TJP2: variants seen among roughly 807,000 people sequenced by gnomAD.
TJP2 encodes Friedreich ataxia region gene X104 (tight junction protein ZO-2).
Under a neutral mutation model 133.1 loss-of-function variants are expected in TJP2, and 91 were observed. The observed-to-expected ratio is 0.68, with a 90% CI of 0.58 to 0.81. The LOEUF is 0.81. Among genes scored for constraint, TJP2 ranks in the 40% least tolerant of loss-of-function variants. The pLI, the probability that TJP2 is intolerant of heterozygous loss-of-function variation, is 0.00. For synonymous variants in TJP2, 592 were observed against 583.4 expected, an observed-to-expected ratio of 1.01 and a Z score of -0.21; for missense variants, 1,541 against 1,565.6, an observed-to-expected ratio of 0.98 and a Z score of 0.26.
At chr9:69,200,664 G>A (rs775452910) in intron 1 of TJP2, among the ~76,000 whole-genome samples, 2 of 152,216 alleles carry the variant, frequency 1.3e-5, no homozygotes, top group Non-Finnish European at 2.9e-5. Context: ...AAAGTGCTGG[G>A]ATTATAGGCT....
intron 2 of TJP2, among the ~76,000 whole-genome samples, chr9:69,157,500 C>T (rs576649849): frequency 3.7e-4 from 56 of 150,556 alleles, no homozygotes; most frequent in African/African-American, 1.3e-3. Context: ...GAGTCTCACT[C>T]TGTCGCCCAG....
chr9:69,218,276 A>G lies in TJP2; in HGVS notation c.259A>G (p.Met87Val). The G allele has an allele frequency of 1.2e-6, 2 of 1,614,138 alleles. No homozygotes were observed. The highest frequency in any genetic ancestry group is 2.2e-5 in the South Asian group (2 of 91,080). Residue 87 changes from methionine (M) to valine (V), a missense_variant, in exon 4 of 23, where the codon ATG (methionine) becomes GTG (valine). Met to Val is a conservative substitution (Grantham distance 21, BLOSUM62 1). Transcript: ENST00000377245. ...GLLQENDRVV[M>V]VNGTPMEDVL... ...TTACAGAGAAAATGACAGAGTGGTCATGGTCAATGGCACCCCCATGGAGGA... is the reference window on the plus strand; with the variant it reads ...TTACAGAGAAAATGACAGAGTGGTCGTGGTCAATGGCACCCCCATGGAGGA...
chr9:69,192,362 G>T (rs976949085), intron 1 of TJP2, among the ~76,000 whole-genome samples: 4 of 152,116 alleles, frequency 2.6e-5, no homozygotes, highest in African/African-American at 9.7e-5. Flanking sequence ...GTTATTCACT[G>T]GATGCTTAGA....
exon 1 of TJP2, chr9:69,121,490 G>T (rs1028065776): frequency 6.8e-5 from 24 of 354,484 alleles, no homozygotes; most frequent in Admixed American, 1.3e-4. Flanking sequence ...ACAGGAAATA[G>T]CCCGAATCAC....
At chr9:69,220,628 A>G (rs1828747411) in intron 4 of TJP2, among the ~76,000 whole-genome samples, 1 of 152,206 alleles carries the variant, frequency 6.6e-6, no homozygotes, top group Non-Finnish European at 1.5e-5. Flanking sequence ...AGACTTTTCA[A>G]ACTTGAGTAG....
Position 69,195,150 on chromosome 9 carries a change from T to C in TJP2, c.61-17398T>C, listed in dbSNP as rs73450823. On this transcript the variant is annotated intron_variant, in intron 1 of 22. Transcript: ENST00000377245. ...GCCTTTTTGACAAAGCCGTTTATGA[T>C]TATCTTTATCTTGGTGCCTATTATG... 7.1e-3 allele frequency among the ~76,000 whole-genome samples: 1,077 copies of C among 152,316 alleles called. 21 individuals carry two copies. The highest frequency in any genetic ancestry group is 0.025 in the African/African-American group (1,026 of 41,562).
At chr9:69,252,686 C>T (rs1213738836) in intron 21 of TJP2, 129 bp from the exon 22 acceptor site, 7 of 884,726 alleles carry the variant, frequency 7.9e-6, no homozygotes, top group Non-Finnish European at 1.3e-5. Context: ...TCTGTGTTTC[C>T]TCTTCTTGAA....
chr9:69,168,695 T>G (rs1399672557), intron 2 of TJP2, among the ~76,000 whole-genome samples: 4 of 151,328 alleles, frequency 2.6e-5, no homozygotes, highest in Non-Finnish European at 5.9e-5. Context: ...CTCAGGAGGC[T>G]GAGGCAGGAG....
chr9:69,248,767 T>G, intron 19 of TJP2: 1 of 994,912 alleles, frequency 1.0e-6, no homozygotes, highest in Non-Finnish European at 1.2e-6. Flanking sequence ...TTAGATAGCT[T>G]ATGGGATCCT....
intron 17 of TJP2, 46 bp downstream of exon 17, chr9:69,240,193 A>G (rs1399104370): frequency 5.3e-6 from 8 of 1,517,352 alleles, no homozygotes; most frequent in Non-Finnish European, 7.2e-6. Context: ...AATGAGAAAT[A>G]AAGAATTGAA....
At chr9:69,154,283 GC>G (rs1564385324) in intron 2 of TJP2, among the ~76,000 whole-genome samples, 2 of 152,184 alleles carry the variant, frequency 1.3e-5, no homozygotes, top group Non-Finnish European at 2.9e-5. Flanking sequence ...ATTTGCAAGT[GC>G]CGCTCAAGTT....
At chr9:69,201,067 T>C (rs1402787715) in intron 1 of TJP2, among the ~76,000 whole-genome samples, 1 of 152,200 alleles carries the variant, frequency 6.6e-6, no homozygotes, top group Non-Finnish European at 1.5e-5. Context: ...GTACTTGCAC[T>C]GAATTGTAAT....
chr9:69,198,141 C>CTTTTTTTT (rs5898062), intron 1 of TJP2, among the ~76,000 whole-genome samples: 3 of 96,352 alleles, frequency 3.1e-5, no homozygotes, highest in Non-Finnish European at 4.2e-5. Context: ...TTTCCCAATT[C>CTTTTTTTT]TTTTTTTTTT....
At chr9:69,218,448 C>T in intron 4 of TJP2, 89 bp downstream of exon 4, 2 of 945,102 alleles carry the variant, frequency 2.1e-6, no homozygotes, top group South Asian at 1.4e-5. Context: ...AAGCATTTGA[C>T]AGAATTACAT....
In TJP2 at chr9:69,124,386, T is replaced by TA. The variant is rs1160112091; in HGVS notation, c.-131+2661_-131+2662insA. The stretch of plus-strand genomic sequence containing the variant: ...GGCTAGTTTAAATTATTATTATTAT[T>TA]TTTTTCTGTAGATTGGGTTCTTGCT... On this transcript the variant is annotated intron_variant, in intron 1 of 5. Coordinates refer to the TJP2 transcript ENST00000423935. 2.6e-5 allele frequency among the ~76,000 whole-genome samples: 2 copies of TA among 76,594 alleles called. 1 individual carries two copies. The highest frequency in any genetic ancestry group is 8.0e-5 in the African/African-American group (2 of 25,156). The allele number at this position is 76,594 out of a possible 152,430, so 50.2% of individuals were successfully genotyped here. A position where few individuals can be genotyped will look rare whatever the true frequency, so the allele number is the denominator to read the frequency against.
chr9:69,158,989 C>A (rs376497725), intron 2 of TJP2, among the ~76,000 whole-genome samples: 1 of 151,822 alleles, frequency 6.6e-6, no homozygotes, highest in Non-Finnish European at 1.5e-5. Context: ...ACCGCCCCCC[C>A]CCCATCAAAA....
At chr9:69,147,425 C>T (rs1402602943) in intron 1 of TJP2, among the ~76,000 whole-genome samples, 1 of 152,222 alleles carries the variant, frequency 6.6e-6, no homozygotes, top group African/African-American at 2.4e-5. Flanking sequence ...AGATGCAAGC[C>T]GTGGCCTATA....
intron 2 of TJP2, among the ~76,000 whole-genome samples, chr9:69,159,416 T>C (rs1429654342): frequency 1.7e-5 from 2 of 120,020 alleles, no homozygotes; most frequent in African/African-American, 6.3e-5. Flanking sequence ...ATATTGATAT[T>C]GATATACAAG....
chr9:69,236,845 T>A (rs1830226182), intron 13 of TJP2, 104 bp from the exon 14 acceptor site: 1 of 1,343,686 alleles, frequency 7.4e-7, no homozygotes, highest in African/African-American at 1.4e-5. Flanking sequence ...TCAAGCGGAA[T>A]CTTCTCTGAG....
Sources: gnomAD v4.1 joint callset for allele counts (sites outside exome capture counted in the v4.1 genomes callset) on GRCh38, gnomAD v4.1.1 for gene constraint, MANE v1.5 for transcripts, NCBI Gene and HGNC (gene_info 2026-07-23, HGNC 2026-07-21) for gene names.